The following NCOA3 variants were observed in gnomAD, a reference collection of about 807,000 sequenced individuals.
NCOA3 encodes nuclear receptor coactivator 3, also known as CBP-interacting protein.
A neutral mutation model predicts 158.8 loss-of-function variants in NCOA3; 51 were observed. That is an observed-to-expected ratio of 0.32 (90% CI 0.26 to 0.41). The LOEUF is 0.41. Ranked by LOEUF, NCOA3 falls within the 10% of genes least tolerant of loss-of-function variation. The pLI is 1.00. For synonymous variants in NCOA3, 537 were observed against 592.4 expected, an observed-to-expected ratio of 0.91 and a Z score of 1.36; for missense variants, 1,510 against 1,746.6, an observed-to-expected ratio of 0.86 and a Z score of 2.41.
intron 5 of NCOA3, among the ~76,000 whole-genome samples, 197 bp downstream of exon 5, chr20:47,625,678 C>T (rs1455297120): frequency 2.0e-5 from 3 of 151,898 alleles, no homozygotes; most frequent in Non-Finnish European, 4.4e-5. Flanking sequence ...GGAAGCCTTG[C>T]CCCCCTAGTA....
Position 47,639,120 on chromosome 20 carries a change from T to C in NCOA3, c.2625T>C (p.Ala875=). ...GTCCTCCAGTAAAAAATATCAGTGC[T>C]TTCCCCATGTTACCAAAGCAACCCA... ...GSSPPVKNIS[A]FPMLPKQPML... Residue 875 remains alanine, a synonymous_variant, in exon 14 of 23, where the codon GCT becomes GCC. Transcript: ENST00000371998. 1 of 1,614,160 alleles carries C rather than the reference T, an allele frequency of 6.2e-7. No homozygotes were observed. Among genetic ancestry groups the C allele is most frequent in the Non-Finnish European group, 8.5e-7 (1 of 1,180,022 alleles).
At chr20:47,565,245 T>C (rs2085173870) in intron 1 of NCOA3, among the ~76,000 whole-genome samples, 1 of 152,186 alleles carries the variant, frequency 6.6e-6, no homozygotes, top group Non-Finnish European at 1.5e-5. Context: ...CCTCCCAATG[T>C]GCTAGGATTA....
chr20:47,609,950 C>T (rs2086017722), intron 2 of NCOA3, among the ~76,000 whole-genome samples: 1 of 152,170 alleles, frequency 6.6e-6, no homozygotes, highest in Non-Finnish European at 1.5e-5. Flanking sequence ...TTTAGCTCCA[C>T]ATAAGACGGT....
At chr20:47,514,493 T>C (rs1051990997) in intron 1 of NCOA3, among the ~76,000 whole-genome samples, 1 of 152,094 alleles carries the variant, frequency 6.6e-6, no homozygotes, top group African/African-American at 2.4e-5. Flanking sequence ...GTTCAAGCGA[T>C]TCTCATGTCT....
At chr20:47,521,119 T>C (rs929621390) in intron 1 of NCOA3, among the ~76,000 whole-genome samples, 2 of 152,170 alleles carry the variant, frequency 1.3e-5, no homozygotes, top group African/African-American at 2.4e-5. Context: ...ATCTTTTACC[T>C]AGGTTGCTGG....
chr20:47,519,609 G>A (rs1301843575), intron 1 of NCOA3, among the ~76,000 whole-genome samples: 2 of 151,816 alleles, frequency 1.3e-5, no homozygotes, highest in Admixed American at 6.6e-5. Context: ...ATAAAAAGAC[G>A]GTGATTAAGA....
intron 1 of NCOA3, among the ~76,000 whole-genome samples, chr20:47,577,266 G>T (rs1314468886): frequency 1.3e-5 from 2 of 152,136 alleles, no homozygotes; most frequent in East Asian, 3.8e-4. Context: ...CCATTTCATA[G>T]AAGGTTTTTT....
At chr20:47,521,420 G>A (rs999754774) in intron 1 of NCOA3, among the ~76,000 whole-genome samples, 20 of 152,068 alleles carry the variant, frequency 1.3e-4, no homozygotes, top group Admixed American at 2.6e-4. Flanking sequence ...AATGGTGAGC[G>A]CACACCTGGA....
chr20:47,522,918 C>T (rs1382685124), intron 1 of NCOA3, among the ~76,000 whole-genome samples: 5 of 151,190 alleles, frequency 3.3e-5, no homozygotes, highest in African/African-American at 4.9e-5. Context: ...GAGCCCGGCG[C>T]GGTGGCTCAC....
intron 2 of NCOA3, among the ~76,000 whole-genome samples, chr20:47,599,227 A>G (rs1218781356): frequency 1.3e-5 from 2 of 152,220 alleles, no homozygotes; most frequent in African/African-American, 4.8e-5. Context: ...TGAAAACACT[A>G]TGCTAAGTAA....
chr20:47,509,688 GCTTGAGC>G (rs371182542), intron 1 of NCOA3, among the ~76,000 whole-genome samples: 1,975 of 151,690 alleles, frequency 0.013, 41 homozygotes, highest in African/African-American at 0.043. Flanking sequence ...CCAGAGACTT[GCTTGAGC>G]CTAGGAGTTC....
At chr20:47,520,636 G>T (rs1369190188) in intron 1 of NCOA3, among the ~76,000 whole-genome samples, 1 of 152,116 alleles carries the variant, frequency 6.6e-6, no homozygotes, top group South Asian at 2.1e-4. Flanking sequence ...GCCCTGGAAG[G>T]CTCAAACCCT....
intron 2 of NCOA3, among the ~76,000 whole-genome samples, chr20:47,609,380 C>T (rs1265160060): frequency 6.6e-6 from 1 of 152,042 alleles, no homozygotes; most frequent in African/African-American, 2.4e-5. Context: ...TACAGAAGTT[C>T]GTAATAAAAT....
chr20:47,642,059 G>C (rs1796746862), intron 16 of NCOA3, among the ~76,000 whole-genome samples, 154 bp from the exon 17 acceptor site: 1 of 151,870 alleles, frequency 6.6e-6, no homozygotes, highest in South Asian at 2.1e-4. Context: ...AACTTAAATT[G>C]ATGCCATTCA....
At chr20:47,641,589 C>T (rs1471078922) in intron 16 of NCOA3, among the ~76,000 whole-genome samples, 1 of 148,666 alleles carries the variant, frequency 6.7e-6, no homozygotes, top group Non-Finnish European at 1.5e-5. Context: ...CAAGCTCCGC[C>T]TCCTGGGTTC....
intron 1 of NCOA3, among the ~76,000 whole-genome samples, chr20:47,526,362 G>A (rs1449499640): frequency 3.9e-5 from 6 of 152,040 alleles, no homozygotes; most frequent in Admixed American, 2.6e-4. Flanking sequence ...ACGGGGTGGC[G>A]GCCGGGCAGA....
At chr20:47,561,685 C>A (rs575878984) in intron 1 of NCOA3, among the ~76,000 whole-genome samples, 1 of 152,094 alleles carries the variant, frequency 6.6e-6, no homozygotes, top group South Asian at 2.1e-4. Flanking sequence ...AGAGATTTCC[C>A]ATATGTGCAT....
At chr20:47,544,851 A>G (rs1486497708) in intron 1 of NCOA3, among the ~76,000 whole-genome samples, 1 of 152,152 alleles carries the variant, frequency 6.6e-6, no homozygotes, top group Non-Finnish European at 1.5e-5. Flanking sequence ...TATATATTTA[A>G]TGCCCACTAC....
At chr20:47,511,524 GATATAT>G (rs34123990) in intron 1 of NCOA3, among the ~76,000 whole-genome samples, 5,713 of 21,988 alleles carry the variant, frequency 0.26, 647 homozygotes, top group Middle Eastern at 0.47. Context: ...TCTCTCTCGA[GATATAT>G]ATATATATAT....
Sources: gnomAD v4.1 joint callset for allele counts (sites outside exome capture counted in the v4.1 genomes callset) on GRCh38, gnomAD v4.1.1 for gene constraint, MANE v1.5 for transcripts, NCBI Gene and HGNC (gene_info 2026-07-23, HGNC 2026-07-21) for gene names.